DLG2: variants seen among roughly 807,000 people sequenced by gnomAD.
DLG2 encodes discs large MAGUK scaffold protein 2, also known as disks large homolog 2.
In DLG2, 45 loss-of-function variants were observed where a neutral mutation model predicts 132.5. That is an observed-to-expected ratio of 0.34 (90% CI 0.27 to 0.44). DLG2 has a LOEUF of 0.44. DLG2 is among the 20% of genes least tolerant of loss of function. The probability of loss-of-function intolerance (pLI) is 1.00; values close to 1 mark genes in which losing one functional copy is unlikely to be tolerated. For synonymous variants in DLG2, 424 were observed against 419.6 expected, an observed-to-expected ratio of 1.01 and a Z score of -0.13; for missense variants, 1,045 against 1,196.9, an observed-to-expected ratio of 0.87 and a Z score of 1.87.
At chr11:85,477,852 T>C (rs953695831) in intron 3 of DLG2, among the ~76,000 whole-genome samples, 1 of 152,200 alleles carries the variant, frequency 6.6e-6, no homozygotes, top group African/African-American at 2.4e-5. Flanking sequence ...AATTTAATAA[T>C]GTATTCATAG....
intron 3 of DLG2, among the ~76,000 whole-genome samples, chr11:85,484,902 C>T (rs1356470311): frequency 1.3e-5 from 2 of 151,994 alleles, no homozygotes; most frequent in Non-Finnish European, 2.9e-5. Flanking sequence ...CACATGCACA[C>T]ATATGTTTAT....
At chr11:84,249,951 C>T (rs552140686) in intron 8 of DLG2, among the ~76,000 whole-genome samples, 89 of 152,304 alleles carry the variant, frequency 5.8e-4, no homozygotes, top group Non-Finnish European at 1.1e-3. Flanking sequence ...CAAGTCCCAA[C>T]CTTGTACTCC....
intron 6 of DLG2, among the ~76,000 whole-genome samples, chr11:84,896,682 C>T (rs537290629): frequency 3.3e-5 from 5 of 152,030 alleles, no homozygotes; most frequent in African/African-American, 1.2e-4. Flanking sequence ...CAGTTACGTA[C>T]AGTCAACTCT....
intron 3 of DLG2, among the ~76,000 whole-genome samples, chr11:85,496,999 C>A (rs746103261): frequency 2.0e-5 from 3 of 151,954 alleles, no homozygotes; most frequent in Non-Finnish European, 4.4e-5. Context: ...CTGAAAATTC[C>A]AAAAACCAGA....
rs140810086 is a variant in DLG2, at chr11:85,388,172, G to A, written c.41-102807C>T. Among the ~76,000 whole-genome samples the A allele has an allele frequency of 1.2e-3, 187 of 152,254 alleles. 1 individual carries two copies. The highest frequency in any genetic ancestry group is 2.2e-3 in the Admixed American group (33 of 15,290). On this transcript the variant is annotated intron_variant, in intron 3 of 27. Transcript: ENST00000376104. ...GTGGCATGGGAGCTGGTTGAGGCCA[G>A]TGGCTGCTAGCTTTTCCCCACTTCC... is the stretch of plus-strand genomic sequence containing the variant.
intron 21 of DLG2, among the ~76,000 whole-genome samples, chr11:83,516,508 C>A (rs1487382388): frequency 6.6e-6 from 1 of 152,180 alleles, no homozygotes; most frequent in African/African-American, 2.4e-5. Flanking sequence ...TTAATTGGAG[C>A]ATTTAGCCCA....
chr11:85,193,918 C>G lies in DLG2; in HGVS notation c.187-39267G>C, dbSNP rs2080828094. 1.3e-5 allele frequency among the ~76,000 whole-genome samples: 2 copies of G among 152,208 alleles called. 1 individual carries two copies. The highest frequency in any genetic ancestry group is 4.1e-4 in the South Asian group (2 of 4,834). On this transcript the variant is annotated intron_variant, in intron 4 of 27. Coordinates refer to ENST00000376104, the MANE Select transcript of DLG2 (RefSeq NM_001142699.3). ...TCTTGGTCATTTTGTCTGTCTTAGG[C>G]TCTGGGTAGCCAGGGTTATAGTGCT...
intron 7 of DLG2, among the ~76,000 whole-genome samples, chr11:84,373,074 A>G (rs2098712489): frequency 6.6e-6 from 1 of 151,792 alleles, no homozygotes; most frequent in Admixed American, 6.6e-5. Context: ...AGACAGAGAG[A>G]GGCAAGAGAA....
At chr11:84,612,616 G>A (rs541753867) in intron 6 of DLG2, among the ~76,000 whole-genome samples, 1 of 152,164 alleles carries the variant, frequency 6.6e-6, no homozygotes, top group South Asian at 2.1e-4. Context: ...AGTTTAATTT[G>A]TGTGGTAAGA....
chr11:84,467,241 G>A (rs1030474814), intron 7 of DLG2, among the ~76,000 whole-genome samples: 1 of 151,286 alleles, frequency 6.6e-6, no homozygotes, highest in East Asian at 1.9e-4. Flanking sequence ...CAAAAAGAAT[G>A]ATAACGCTTT....
intron 19 of DLG2, among the ~76,000 whole-genome samples, chr11:83,586,584 T>C (rs1366141717): frequency 6.6e-6 from 1 of 152,214 alleles, no homozygotes; most frequent in Non-Finnish European, 1.5e-5. Context: ...AGGTACAGGG[T>C]CAGAACTCAA....
At chr11:85,507,662 G>A (rs2093965850) in intron 3 of DLG2, among the ~76,000 whole-genome samples, 1 of 152,014 alleles carries the variant, frequency 6.6e-6, no homozygotes, top group Non-Finnish European at 1.5e-5. Flanking sequence ...TTTCAACTTT[G>A]GTGAATCTGA....
In DLG2 at chr11:83,610,288, A is replaced by C. The variant is rs536455709; in HGVS notation, c.1940+22923T>G. 2.1e-4 allele frequency among the ~76,000 whole-genome samples: 32 copies of C among 152,282 alleles called. No homozygotes were observed. The South Asian group carries it at 6.6e-3, about 32-fold the overall frequency. On this transcript the variant is annotated intron_variant, in intron 19 of 27. Transcript: ENST00000376104. ...AAAACATCTAAAAGCCGGAAATGGA[A>C]GTAATTGGCACAAGGCTGCCCAGCT...
At chr11:84,823,938 T>C (rs568631251) in intron 6 of DLG2, among the ~76,000 whole-genome samples, 2 of 151,934 alleles carry the variant, frequency 1.3e-5, no homozygotes, top group South Asian at 4.1e-4. Context: ...CTGCAAAAAA[T>C]ATTGATTGAG....
At chr11:85,593,182 T>C (rs1203949540) in intron 3 of DLG2, among the ~76,000 whole-genome samples, 1 of 152,192 alleles carries the variant, frequency 6.6e-6, no homozygotes, top group Non-Finnish European at 1.5e-5. Context: ...TTATAGTCGT[T>C]ACAGATTAAA....
intron 6 of DLG2, among the ~76,000 whole-genome samples, chr11:84,978,346 G>A (rs2055220350): frequency 6.6e-6 from 1 of 152,166 alleles, no homozygotes; most frequent in South Asian, 2.1e-4. Flanking sequence ...AGCCCGCATT[G>A]CCAAGACAAT....
chr11:84,169,280 A>G (rs1427452989), intron 8 of DLG2, among the ~76,000 whole-genome samples: 1 of 152,156 alleles, frequency 6.6e-6, no homozygotes, highest in Non-Finnish European at 1.5e-5. Context: ...TGGTAGGAAT[A>G]AATAATATTA....
chr11:85,149,806 G>A (rs72961544), intron 5 of DLG2, among the ~76,000 whole-genome samples: 1,660 of 152,136 alleles, frequency 0.011, 16 homozygotes, highest in Non-Finnish European at 0.019. Flanking sequence ...GATGGAATGA[G>A]CTACGTTGGG....
At chr11:85,181,071 G>A (rs958298405) in intron 4 of DLG2, among the ~76,000 whole-genome samples, 2 of 151,656 alleles carry the variant, frequency 1.3e-5, no homozygotes, top group South Asian at 4.1e-4. Flanking sequence ...GAATATGAAA[G>A]TATTGAATAT....
Sources: gnomAD v4.1 joint callset for allele counts (sites outside exome capture counted in the v4.1 genomes callset) on GRCh38, gnomAD v4.1.1 for gene constraint, MANE v1.5 for transcripts, NCBI Gene and HGNC (gene_info 2026-07-23, HGNC 2026-07-21) for gene names.